The following TTC7B variants were observed in gnomAD, a reference collection of about 807,000 sequenced individuals.
The protein encoded by TTC7B is tetratricopeptide repeat domain 7B, also known as tetratricopeptide repeat protein 7B.
A neutral mutation model predicts 106.8 loss-of-function variants in TTC7B; 28 were observed. The observed-to-expected ratio is 0.26, with a 90% CI of 0.19 to 0.36. TTC7B has a LOEUF of 0.36. TTC7B is among the 10% of genes least tolerant of loss of function. The pLI is 1.00. For missense variants in TTC7B, 862 were observed against 1,076.4 expected (o/e 0.80, Z 2.79); for synonymous variants, 405 against 430.6 (o/e 0.94, Z 0.74).
intron 4 of TTC7B, among the ~76,000 whole-genome samples, chr14:90,743,048 AT>A: frequency 6.6e-6 from 1 of 152,252 alleles, no homozygotes; most frequent in Non-Finnish European, 1.5e-5. Context: ...GACAGTGGAA[AT>A]AATGGAGGTT....
At chr14:90,724,427 G>A (rs1378575406) in intron 5 of TTC7B, among the ~76,000 whole-genome samples, 10 of 152,070 alleles carry the variant, frequency 6.6e-5, no homozygotes, top group East Asian at 1.9e-4. Flanking sequence ...CCCCAATGTC[G>A]GAAATGGGGC....
intron 7 of TTC7B, among the ~76,000 whole-genome samples, chr14:90,681,674 TC>T (rs1176979058): frequency 2.6e-5 from 4 of 152,200 alleles, no homozygotes; most frequent in Non-Finnish European, 4.4e-5. Flanking sequence ...CTATCATTCT[TC>T]TGAGGCTAAA....
At chr14:90,689,189 G>A (rs981965112) in intron 7 of TTC7B, among the ~76,000 whole-genome samples, 2 of 152,166 alleles carry the variant, frequency 1.3e-5, no homozygotes, top group Non-Finnish European at 2.9e-5. Context: ...GGGTGAGATC[G>A]ATGTTAGATG....
chr14:90,664,259 T>G (rs1283340471), intron 9 of TTC7B, among the ~76,000 whole-genome samples: 2 of 152,116 alleles, frequency 1.3e-5, no homozygotes, highest in African/African-American at 4.8e-5. Context: ...GCATTCACAT[T>G]TTTTATTTTT....
At chr14:90,598,542 G>A (rs969582647) in intron 17 of TTC7B, among the ~76,000 whole-genome samples, 3 of 152,132 alleles carry the variant, frequency 2.0e-5, no homozygotes, top group Non-Finnish European at 2.9e-5. Context: ...AGAGGACCAG[G>A]AACCAAGAGG....
At chr14:90,559,636 AATTCTCACAACACACACG>A (rs971941769) in intron 19 of TTC7B, among the ~76,000 whole-genome samples, 88 of 151,572 alleles carry the variant, frequency 5.8e-4, no homozygotes, top group African/African-American at 1.9e-3. Context: ...CTACACACAC[AATTCTCACAACACACACG>A]ATTCTCACAA....
At chr14:90,789,262 C>T (rs1284807567) in intron 1 of TTC7B, among the ~76,000 whole-genome samples, 2 of 152,036 alleles carry the variant, frequency 1.3e-5, no homozygotes, top group Non-Finnish European at 2.9e-5. Context: ...CCATGCCCAG[C>T]TAATTTTGTA....
chr14:90,580,323 A>G (rs1487442809), intron 18 of TTC7B, among the ~76,000 whole-genome samples: 1 of 152,202 alleles, frequency 6.6e-6, no homozygotes, highest in African/African-American at 2.4e-5. Context: ...TTTTATCTAC[A>G]TGGTGATCCA....
chr14:90,706,232 G>A (rs548031499), intron 5 of TTC7B, among the ~76,000 whole-genome samples: 6 of 149,874 alleles, frequency 4.0e-5, no homozygotes, highest in African/African-American at 1.5e-4. Flanking sequence ...GCGCAATCTC[G>A]GCTCACTGCA....
intron 3 of TTC7B, among the ~76,000 whole-genome samples, chr14:90,769,819 G>A (rs57000696): frequency 0.086 from 13,087 of 152,010 alleles, 626 homozygotes; most frequent in East Asian, 0.16. Context: ...AAGAGAGCAG[G>A]GATGGCTATA....
At position 90,745,972 on chromosome 14, in the gene TTC7B, G is replaced by C. The variant is rs913333133; in HGVS notation, c.446-1050C>G. 4.2e-5 allele frequency among the ~76,000 whole-genome samples: 6 copies of C among 142,450 alleles called. No individual in the cohort carries two copies. The Admixed American group carries it at 4.4e-4, about 11-fold the overall frequency. The allele number at this position is 142,450 out of a possible 152,430, so 93.5% of individuals were successfully genotyped here. A position where few individuals can be genotyped will look rare whatever the true frequency, so the allele number is the denominator to read the frequency against. On this transcript the variant is annotated intron_variant, in intron 3 of 19. Coordinates refer to ENST00000328459, the MANE Select transcript of TTC7B (RefSeq NM_001010854.2). ...CCCGACTCAGCCTCCCAAAGTGCCG[G>C]GATTACAGGTGTGAGCCACTGTGCC...
chr14:90,594,199 G>A (rs914648419), intron 17 of TTC7B, among the ~76,000 whole-genome samples: 4 of 152,218 alleles, frequency 2.6e-5, no homozygotes, highest in Non-Finnish European at 5.9e-5. Context: ...CTTTTGCCCT[G>A]TGTATAAGCA....
chr14:90,545,612 C>T lies in TTC7B; in HGVS notation c.2311-4023G>A, dbSNP rs60179513. ...GAGACCAGGAGGACCAGGGCCTTGG[C>T]CCAGTGGGATGCAGAGGGCTCTGGT... On this transcript the variant is annotated intron_variant, in intron 19 of 19. Coordinates refer to ENST00000328459, the MANE Select transcript of TTC7B (RefSeq NM_001010854.2). 2.4e-3 allele frequency among the ~76,000 whole-genome samples: 371 copies of T among 152,320 alleles called. 4 individuals are homozygous for T. The highest frequency in any genetic ancestry group is 6.4e-3 in the African/African-American group (267 of 41,572).
chr14:90,582,107 T>C (rs1011287736), intron 18 of TTC7B, among the ~76,000 whole-genome samples: 9 of 152,216 alleles, frequency 5.9e-5, no homozygotes, highest in African/African-American at 2.2e-4. Flanking sequence ...TGTCCTGCAG[T>C]GATTTTCAAA....
intron 3 of TTC7B, among the ~76,000 whole-genome samples, chr14:90,750,340 A>G (rs1167842632): frequency 6.6e-6 from 1 of 152,222 alleles, no homozygotes; most frequent in African/African-American, 2.4e-5. Flanking sequence ...AAGGGTCAGG[A>G]AAAATTGAGT....
chr14:90,606,458 T>A (rs1001885359), intron 17 of TTC7B, among the ~76,000 whole-genome samples: 1 of 152,252 alleles, frequency 6.6e-6, no homozygotes, highest in Non-Finnish European at 1.5e-5. Context: ...TGTTGATATC[T>A]ATCAATTATT....
intron 19 of TTC7B, among the ~76,000 whole-genome samples, chr14:90,571,247 G>A (rs1006125003): frequency 2.0e-5 from 3 of 152,194 alleles, no homozygotes; most frequent in Non-Finnish European, 2.9e-5. Context: ...CACAGCTATC[G>A]AAGAAGCTAA....
rs937877661 is a variant in TTC7B at position 90,759,810 on chromosome 14, T to C, written c.446-14888A>G. Among the ~76,000 whole-genome samples the C allele has an allele frequency of 6.6e-6, 1 of 152,186 alleles. No homozygotes were observed. The highest frequency in any genetic ancestry group is 1.5e-5 in the Non-Finnish European group (1 of 68,038). ...TTATTCAGCTAGAGTTTATCTTCAA[T>C]AGTGTGCCCCTGGATGCCAGGGCAA... On this transcript the variant is annotated intron_variant, in intron 3 of 19. Transcript: ENST00000328459. This position sits in a 1 kb window ranked among gnomAD's most constrained non-coding sequence, Gnocchi z 4.1.
chr14:90,728,908 T>C (rs1435232396), intron 5 of TTC7B, among the ~76,000 whole-genome samples: 2 of 152,236 alleles, frequency 1.3e-5, no homozygotes, highest in Admixed American at 6.5e-5. Flanking sequence ...CCATGTTCCC[T>C]CTCTTCTCCT....
Sources: gnomAD v4.1 joint callset for allele counts (sites outside exome capture counted in the v4.1 genomes callset) on GRCh38, gnomAD v4.1.1 for gene constraint, Gnocchi (gnomAD v3.1) non-coding constraint, MANE v1.5 for transcripts, NCBI Gene and HGNC (gene_info 2026-07-23, HGNC 2026-07-21) for gene names.